MEIS2: variants seen among roughly 807,000 people sequenced by gnomAD.
MEIS2 encodes the protein Meis homeobox 2.
MEIS2 carries 9 observed loss-of-function variants against 58.6 expected under a neutral mutation model. That is an observed-to-expected ratio of 0.15 (90% CI 0.09 to 0.27). MEIS2 has a LOEUF of 0.27. Ranked by LOEUF, MEIS2 falls within the 10% of genes least tolerant of loss-of-function variation. The pLI is 1.00. For missense variants in MEIS2, 427 were observed against 635.0 expected (o/e 0.67, Z 3.52); for synonymous variants, 221 against 228.4 (o/e 0.97, Z 0.29).
intron 8 of MEIS2, among the ~76,000 whole-genome samples, chr15:36,978,321 G>A (rs998641398): frequency 1.3e-5 from 2 of 152,208 alleles, no homozygotes; most frequent in Non-Finnish European, 2.9e-5. Context: ...ATTTACAGAT[G>A]CAGAATCTGA....
At position 37,099,699 on chromosome 15, in the gene MEIS2, C is replaced by A; in HGVS notation, c.-233G>T. On this transcript the variant is annotated 5_prime_UTR_variant, in exon 1 of 12. The change creates a new upstream start codon in the 5' untranslated region. Coordinates refer to ENST00000561208, the MANE Select transcript of MEIS2 (RefSeq NM_170675.5). ...CTCTTTTTTCCTCTTCTTCCTCCTC[C>A]TCCTGATCTTCCTCCTCCTCCTCCA... 1 of 500,968 alleles carries A rather than the reference C, an allele frequency of 2.0e-6. No homozygotes were observed. 31.0% of individuals were successfully genotyped at this position (500,968 alleles called of 1,614,324 possible). A position where few individuals can be genotyped will look rare whatever the true frequency, so the allele number is the denominator to read the frequency against.
chr15:37,049,105 C>T (rs576127912), intron 7 of MEIS2, among the ~76,000 whole-genome samples: 1 of 152,202 alleles, frequency 6.6e-6, no homozygotes. Flanking sequence ...TTATTTGAGA[C>T]CAAGCAGATA....
chr15:37,099,418 A>G, intron 1 of MEIS2, 37 bp downstream of exon 1: 1 of 1,614,032 alleles, frequency 6.2e-7, no homozygotes, highest in Admixed American at 1.7e-5. Context: ...TTAGGAGAGG[A>G]TTTATATCTA....
intron 7 of MEIS2, among the ~76,000 whole-genome samples, chr15:37,055,481 T>G (rs1888262099): frequency 6.6e-6 from 1 of 152,156 alleles, no homozygotes; most frequent in Admixed American, 6.5e-5. Flanking sequence ...TGTGGAGAGC[T>G]CTCAACATTA....
intron 9 of MEIS2, among the ~76,000 whole-genome samples, chr15:36,900,478 G>A (rs915103571): frequency 6.6e-6 from 1 of 152,108 alleles, no homozygotes; most frequent in Non-Finnish European, 1.5e-5. Flanking sequence ...AAATGCATGA[G>A]TATGTGTGAT....
intron 7 of MEIS2, among the ~76,000 whole-genome samples, chr15:37,077,757 T>G (rs1731642628): frequency 6.6e-6 from 1 of 151,976 alleles, no homozygotes; most frequent in African/African-American, 2.4e-5. Flanking sequence ...TTAGCTTGAC[T>G]GTCCTGGGTC....
intron 7 of MEIS2, among the ~76,000 whole-genome samples, chr15:37,039,160 T>C (rs2062300891): frequency 6.6e-6 from 1 of 152,188 alleles, no homozygotes; most frequent in Non-Finnish European, 1.5e-5. Flanking sequence ...AAGTGCAAGT[T>C]TGAAGTCAGT....
intron 11 of MEIS2, among the ~76,000 whole-genome samples, chr15:36,892,744 T>C (rs573038488): frequency 2.0e-5 from 3 of 152,342 alleles, no homozygotes; most frequent in African/African-American, 7.2e-5. Context: ...TACATTTCTT[T>C]GATAAATGCA....
chr15:37,036,213 A>T (rs1305931958), intron 8 of MEIS2, among the ~76,000 whole-genome samples: 1 of 152,224 alleles, frequency 6.6e-6, no homozygotes, highest in Admixed American at 6.5e-5. Context: ...AGCTTTTAAG[A>T]TAATGGACTT....
intron 9 of MEIS2, chr15:36,898,257 C>G (rs1394001268): frequency 1.3e-5 from 2 of 152,202 alleles, no homozygotes. Context: ...ATCCCTCCTC[C>G]AATCAGAAAA....
intron 8 of MEIS2, among the ~76,000 whole-genome samples, chr15:36,952,526 A>G (rs1324236854): frequency 6.6e-6 from 1 of 150,798 alleles, no homozygotes; most frequent in Non-Finnish European, 1.5e-5. Flanking sequence ...AGTCTTGCTC[A>G]CTGTTCACTG....
intron 7 of MEIS2, chr15:37,066,161 A>T (rs973554392): frequency 6.6e-6 from 1 of 152,190 alleles, no homozygotes; most frequent in Admixed American, 6.5e-5. Context: ...AAAATAAAAA[A>T]AATTGGTTTT....
intron 7 of MEIS2, among the ~76,000 whole-genome samples, chr15:37,056,118 C>A (rs901370747): frequency 2.0e-5 from 3 of 152,166 alleles, no homozygotes; most frequent in Non-Finnish European, 2.9e-5. Flanking sequence ...TTGGAATGAG[C>A]ATGAAAATTA....
intron 8 of MEIS2, among the ~76,000 whole-genome samples, chr15:36,985,221 A>G (rs921372647): frequency 6.6e-6 from 1 of 151,800 alleles, no homozygotes; most frequent in Non-Finnish European, 1.5e-5. Context: ...CTATCTTTCT[A>G]TCCTTCTCTG....
intron 7 of MEIS2, among the ~76,000 whole-genome samples, chr15:37,043,631 G>A (rs1480811226): frequency 4.7e-5 from 7 of 150,290 alleles, no homozygotes; most frequent in African/African-American, 7.4e-5. Flanking sequence ...TCTATAGTTC[G>A]TAGGTGTTTT....
intron 9 of MEIS2, among the ~76,000 whole-genome samples, chr15:36,923,075 C>G (rs988317239): frequency 6.6e-6 from 1 of 152,160 alleles, no homozygotes; most frequent in Non-Finnish European, 1.5e-5. Context: ...TGTCAATCTC[C>G]TTAGCAATAA....
At chr15:36,905,019 G>C (rs979994906) in intron 9 of MEIS2, among the ~76,000 whole-genome samples, 1 of 147,260 alleles carries the variant, frequency 6.8e-6, no homozygotes. Flanking sequence ...ATGTATGTAG[G>C]TATATGTATG....
chr15:37,009,061 G>A (rs577922477), intron 8 of MEIS2, among the ~76,000 whole-genome samples: 59 of 152,104 alleles, frequency 3.9e-4, no homozygotes, highest in African/African-American at 1.2e-3. Flanking sequence ...AGGCCGAGGC[G>A]GGCAGATCAC....
intron 7 of MEIS2, among the ~76,000 whole-genome samples, chr15:37,039,979 G>A (rs1015984685): frequency 4.0e-5 from 6 of 151,684 alleles, no homozygotes; most frequent in African/African-American, 1.2e-4. Flanking sequence ...AGACAACTGC[G>A]TGAACTGCAA....
Sources: gnomAD v4.1 joint callset for allele counts (sites outside exome capture counted in the v4.1 genomes callset) on GRCh38, gnomAD v4.1.1 for gene constraint, MANE v1.5 for transcripts, NCBI Gene and HGNC (gene_info 2026-07-23, HGNC 2026-07-21) for gene names.